The following FAM193A variants were observed in gnomAD, a reference collection of about 807,000 sequenced individuals.
FAM193A encodes the protein family with sequence similarity 193 member A, also known as protein FAM193A.
Under a neutral mutation model 126.5 loss-of-function variants are expected in FAM193A, and 22 were observed. The observed-to-expected ratio is 0.17, with a 90% CI of 0.12 to 0.25. FAM193A has a LOEUF of 0.25. Among genes scored for constraint, FAM193A ranks in the 10% least tolerant of loss-of-function variants. The probability of loss-of-function intolerance (pLI) is 1.00; values close to 1 mark genes in which losing one functional copy is unlikely to be tolerated. For synonymous variants in FAM193A, 761 were observed against 646.8 expected, an observed-to-expected ratio of 1.18 and a Z score of -2.68; for missense variants, 1,675 against 1,672.8, an observed-to-expected ratio of 1.00 and a Z score of -0.02.
chr4:2,656,884 C>T (rs2109092452), intron 7 of FAM193A, among the ~76,000 whole-genome samples: 1 of 152,232 alleles, frequency 6.6e-6, no homozygotes, highest in South Asian at 2.1e-4. Context: ...ATCTTCTGGC[C>T]AGGCGGGCAC....
intron 18 of FAM193A, among the ~76,000 whole-genome samples, chr4:2,698,312 GGATGCCAA>G (rs1717276313): frequency 6.6e-6 from 1 of 152,192 alleles, no homozygotes; most frequent in Admixed American, 6.5e-5. Flanking sequence ...AGCTCTGAGA[GGATGCCAA>G]CTGGCCAGTG....
chr4:2,617,240 T>TTTTTTATATATATATATA (rs377206444), intron 2 of FAM193A, among the ~76,000 whole-genome samples: 1 of 35,240 alleles, frequency 2.8e-5, no homozygotes, highest in Non-Finnish European at 4.4e-5. Flanking sequence ...TATGTTTTTA[T>TTTTTTATATATATATATA]TATATATATA....
At chr4:2,728,896 C>CTTTTTTTTTTTTTTT (rs34029424) in intron 20 of FAM193A, among the ~76,000 whole-genome samples, 2 of 97,150 alleles carry the variant, frequency 2.1e-5, no homozygotes, top group African/African-American at 1.0e-4. Context: ...ACCTCCAAAA[C>CTTTTTTTTTTTTTTT]TTTTTTTTTT....
chr4:2,535,911 C>T (rs2108792608), upstream of FAM193A, among the ~76,000 whole-genome samples: 1 of 152,296 alleles, frequency 6.6e-6, no homozygotes, highest in South Asian at 2.1e-4. Context: ...CAAGATTCGC[C>T]GGCTCCGCCG....
intron 5 of FAM193A, among the ~76,000 whole-genome samples, chr4:2,631,552 A>G (rs1743588974): frequency 1.3e-5 from 2 of 152,196 alleles, no homozygotes; most frequent in South Asian, 2.1e-4. Flanking sequence ...CAGAGCTGGT[A>G]TTAGGTGAAA....
chr4:2,615,234 T>C (rs927956587), intron 2 of FAM193A: 7 of 152,408 alleles, frequency 4.6e-5, no homozygotes, highest in Non-Finnish European at 1.0e-4. Flanking sequence ...CTGTTTGTTA[T>C]CAACAGCCTT....
At chr4:2,631,947 CTT>C (rs1303956705) in intron 5 of FAM193A, among the ~76,000 whole-genome samples, 2 of 152,176 alleles carry the variant, frequency 1.3e-5, no homozygotes, top group Non-Finnish European at 2.9e-5. Flanking sequence ...ATCACTTAAA[CTT>C]TATTATTAAA....
chr4:2,617,262 ATTT>A (rs1278527559), intron 2 of FAM193A, among the ~76,000 whole-genome samples: 4 of 25,072 alleles, frequency 1.6e-4, no homozygotes, highest in African/African-American at 9.6e-4. Context: ...ATATATATAT[ATTT>A]TTTTTTTTTT....
At chr4:2,633,264 T>C (rs1372002637) in intron 5 of FAM193A, among the ~76,000 whole-genome samples, 4 of 151,826 alleles carry the variant, frequency 2.6e-5, no homozygotes, top group Non-Finnish European at 5.9e-5. Context: ...CCGGGCATGG[T>C]GGCGGGCGCC....
intron 13 of FAM193A, among the ~76,000 whole-genome samples, chr4:2,675,532 A>G (rs570917579): frequency 6.6e-6 from 1 of 152,174 alleles, no homozygotes; most frequent in Non-Finnish European, 1.5e-5. Context: ...CCCTTGCTCT[A>G]AAGTCTGCTC....
chr4:2,554,800 G>A (rs1738158823), intron 1 of FAM193A, among the ~76,000 whole-genome samples: 1 of 152,132 alleles, frequency 6.6e-6, no homozygotes, highest in Admixed American at 6.6e-5. Flanking sequence ...TTGGTGAATT[G>A]ACCCTTTGTC....
chr4:2,608,649 G>T (rs982581326), intron 2 of FAM193A, among the ~76,000 whole-genome samples: 2 of 152,176 alleles, frequency 1.3e-5, no homozygotes, highest in Non-Finnish European at 2.9e-5. Flanking sequence ...GCTTTGAGGA[G>T]AGTGTTGGTT....
At chr4:2,698,537 C>T (rs975575865) in intron 18 of FAM193A, among the ~76,000 whole-genome samples, 7 of 152,168 alleles carry the variant, frequency 4.6e-5, no homozygotes, top group Admixed American at 6.5e-5. Flanking sequence ...AAATTTTTAT[C>T]ATAATTTTTA....
chr4:2,721,701 T>C (rs1310871815), intron 20 of FAM193A, among the ~76,000 whole-genome samples: 1 of 152,182 alleles, frequency 6.6e-6, no homozygotes, highest in Non-Finnish European at 1.5e-5. Flanking sequence ...CCGGGGAGCA[T>C]AACTGTTAAA....
At chr4:2,718,795 G>C (rs1719810360) in intron 20 of FAM193A, among the ~76,000 whole-genome samples, 1 of 152,024 alleles carries the variant, frequency 6.6e-6, no homozygotes, top group African/African-American at 2.4e-5. Context: ...ATACTGGAGA[G>C]ATTAAAATAA....
intron 19 of FAM193A, chr4:2,715,436 G>A (rs1719436010): frequency 1.1e-5 from 10 of 900,186 alleles, no homozygotes; most frequent in Non-Finnish European, 1.3e-5. Flanking sequence ...GTGACAGAAT[G>A]AGACTTCATA....
At chr4:2,631,281 CTG>C in intron 5 of FAM193A, 112 bp downstream of exon 5, 1 of 887,398 alleles carries the variant, frequency 1.1e-6, no homozygotes, top group Non-Finnish European at 1.7e-6. Flanking sequence ...CCCCCACACA[CTG>C]TGATAGGCCC....
At chr4:2,628,237 G>A (rs990600834) in intron 4 of FAM193A, among the ~76,000 whole-genome samples, 2 of 152,162 alleles carry the variant, frequency 1.3e-5, no homozygotes, top group African/African-American at 2.4e-5. Flanking sequence ...CTGGAGGCAG[G>A]GATAGTGATT....
chr4:2,617,060 C>T (rs1380306776), intron 2 of FAM193A, among the ~76,000 whole-genome samples: 8 of 140,178 alleles, frequency 5.7e-5, no homozygotes, highest in East Asian at 2.2e-4. Context: ...CCCAGCTACT[C>T]AGGAGGCTGA....
Sources: gnomAD v4.1 joint callset for allele counts (sites outside exome capture counted in the v4.1 genomes callset) on GRCh38, gnomAD v4.1.1 for gene constraint, MANE v1.5 for transcripts, NCBI Gene and HGNC (gene_info 2026-07-23, HGNC 2026-07-21) for gene names.